AIG1: variants seen among roughly 807,000 people sequenced by gnomAD.
AIG1 encodes androgen-induced gene 1 protein.
A neutral mutation model predicts 31.4 loss-of-function variants in AIG1; 23 were observed. The ratio of observed to expected loss-of-function variants is 0.73; its 90% CI spans 0.53 to 1.04. The LOEUF is 1.04. Ranked by LOEUF, AIG1 falls within the 50% of genes least tolerant of loss-of-function variation. The probability of loss-of-function intolerance (pLI) is 0.00; values close to 1 mark genes in which losing one functional copy is unlikely to be tolerated. For missense variants in AIG1, 274 were observed against 295.0 expected, an observed-to-expected ratio of 0.93 and a Z score of 0.52; for synonymous variants, 100 against 110.5, an observed-to-expected ratio of 0.90 and a Z score of 0.60.
chr6:143,185,504 C>T (rs540999911), intron 3 of AIG1, among the ~76,000 whole-genome samples: 21 of 152,142 alleles, frequency 1.4e-4, no homozygotes, highest in Non-Finnish European at 2.6e-4. Flanking sequence ...TTATCAACTC[C>T]GAGTGTGCTC....
At chr6:143,076,521 GATA>G (rs1302080394) in intron 1 of AIG1, among the ~76,000 whole-genome samples, 1 of 151,972 alleles carries the variant, frequency 6.6e-6, no homozygotes, top group South Asian at 2.1e-4. Flanking sequence ...AGTTTAATTT[GATA>G]ATCTCTATTC....
intron 4 of AIG1, among the ~76,000 whole-genome samples, chr6:143,303,823 G>T (rs1799028543): frequency 6.9e-6 from 1 of 145,970 alleles, no homozygotes; most frequent in Non-Finnish European, 1.5e-5. Flanking sequence ...GGGCAGTATG[G>T]CCATTTTCAC....
At chr6:143,242,681 ACAT>A (rs1460220693) in intron 3 of AIG1, among the ~76,000 whole-genome samples, 1 of 152,254 alleles carries the variant, frequency 6.6e-6, no homozygotes, top group African/African-American at 2.4e-5. Context: ...CTGAGTCACC[ACAT>A]GCCCAAGAAG....
chr6:143,305,360 T>G (rs1799188853), intron 4 of AIG1, among the ~76,000 whole-genome samples: 1 of 152,182 alleles, frequency 6.6e-6, no homozygotes. Context: ...TTGTGGGCAT[T>G]TAGTGCTATA....
chr6:143,112,542 C>T (rs1455847279), intron 1 of AIG1, among the ~76,000 whole-genome samples: 1 of 152,154 alleles, frequency 6.6e-6, no homozygotes, highest in Non-Finnish European at 1.5e-5. Context: ...GCCTATGAGG[C>T]TCTCATAGTA....
At chr6:143,098,666 A>C (rs942653751) in intron 1 of AIG1, among the ~76,000 whole-genome samples, 2 of 152,212 alleles carry the variant, frequency 1.3e-5, no homozygotes, top group Non-Finnish European at 2.9e-5. Flanking sequence ...AACTTATGTT[A>C]AAAAACTTTT....
intron 3 of AIG1, among the ~76,000 whole-genome samples, chr6:143,235,111 A>C (rs1255303999): frequency 6.6e-6 from 1 of 152,204 alleles, no homozygotes; most frequent in African/African-American, 2.4e-5. Flanking sequence ...TAGGGATTTA[A>C]AGATGAACAA....
chr6:143,181,905 G>A (rs1788757264), intron 3 of AIG1, among the ~76,000 whole-genome samples: 1 of 152,160 alleles, frequency 6.6e-6, no homozygotes, highest in Non-Finnish European at 1.5e-5. Context: ...GGTTAAAAAT[G>A]TTCTAGCATA....
intron 3 of AIG1, among the ~76,000 whole-genome samples, chr6:143,185,194 C>CAAA (rs10690751): frequency 1.5e-5 from 2 of 135,010 alleles, no homozygotes; most frequent in African/African-American, 2.8e-5. Flanking sequence ...GACTCCATCT[C>CAAA]AAAAAAAAAA....
At chr6:143,139,300 C>G (rs1199159817) in intron 2 of AIG1, among the ~76,000 whole-genome samples, 1 of 151,882 alleles carries the variant, frequency 6.6e-6, no homozygotes, top group African/African-American at 2.4e-5. Flanking sequence ...CCCCACCCAC[C>G]CCATCCCTCT....
intron 1 of AIG1, among the ~76,000 whole-genome samples, chr6:143,115,047 C>T (rs988541739): frequency 6.6e-6 from 1 of 152,210 alleles, no homozygotes; most frequent in Non-Finnish European, 1.5e-5. Context: ...AACCATTATT[C>T]AAAACCATGA....
intron 1 of AIG1, among the ~76,000 whole-genome samples, chr6:143,073,170 T>A (rs899229716): frequency 1.3e-5 from 2 of 152,240 alleles, no homozygotes; most frequent in South Asian, 4.1e-4. Context: ...CTTAGCATCA[T>A]GTCCTCTAGG....
chr6:143,280,955 G>C lies in AIG1; in HGVS notation c.400-3155G>C, dbSNP rs1797306335. On this transcript the variant is annotated intron_variant, in intron 3 of 5. Coordinates refer to ENST00000357847, the MANE Select transcript of AIG1 (RefSeq NM_016108.4). This position sits in a 1 kb window ranked among gnomAD's most constrained non-coding sequence, Gnocchi z 4.1. ...TGATTGGATAATATATCACAGGAAA[G>C]ACATATTTAGCAAAAATCATTTTTT... 6.6e-6 allele frequency among the ~76,000 whole-genome samples: 1 copy of C among 152,132 alleles called. No homozygotes were observed. Among genetic ancestry groups the C allele is most frequent in the African/African-American group, 2.4e-5 (1 of 41,414 alleles).
At chr6:143,212,832 C>T (rs1244991363) in intron 3 of AIG1, among the ~76,000 whole-genome samples, 2 of 152,104 alleles carry the variant, frequency 1.3e-5, no homozygotes, top group African/African-American at 2.4e-5. Context: ...AAACAGAAAG[C>T]AGAGTGAATT....
chr6:143,061,505 G>A, intron 1 of AIG1: 1 of 344,728 alleles, frequency 2.9e-6, no homozygotes, highest in South Asian at 2.2e-5. Context: ...AAGGAAACTG[G>A]GTATTGTCTA....
At chr6:143,164,505 C>T (rs954379422) in intron 2 of AIG1, among the ~76,000 whole-genome samples, 7 of 152,178 alleles carry the variant, frequency 4.6e-5, no homozygotes, top group Non-Finnish European at 7.3e-5. Context: ...TCCATGGACC[C>T]AGCTTCTCAG....
chr6:143,304,948 G>C (rs1371327776), intron 4 of AIG1, among the ~76,000 whole-genome samples: 2 of 152,148 alleles, frequency 1.3e-5, no homozygotes, highest in African/African-American at 4.8e-5. Flanking sequence ...TCCTGGTTTA[G>C]TCCTGGGAGG....
chr6:143,147,947 C>G (rs1040756966), intron 2 of AIG1, among the ~76,000 whole-genome samples: 17 of 152,276 alleles, frequency 1.1e-4, no homozygotes, highest in African/African-American at 4.1e-4. Context: ...CTTCACATCC[C>G]CAGAAGGTAG....
intron 1 of AIG1, 174 bp downstream of exon 1, chr6:143,061,240 C>T (rs890098490): frequency 2.5e-6 from 2 of 810,870 alleles, no homozygotes; most frequent in Non-Finnish European, 2.1e-6. Context: ...CCTGGCTGCC[C>T]CCGCAGCGGC....
Sources: allele counts gnomAD v4.1 joint callset (sites outside exome capture counted in the v4.1 genomes callset), GRCh38; gene constraint gnomAD v4.1.1; non-coding constraint Gnocchi (gnomAD v3.1); transcripts MANE v1.5; gene names NCBI Gene and HGNC (gene_info 2026-07-23, HGNC 2026-07-21).